CECR2: variants seen among roughly 807,000 people sequenced by gnomAD.
The protein encoded by CECR2 is chromatin remodeling regulator CECR2.
A neutral mutation model predicts 154.5 loss-of-function variants in CECR2; 30 were observed. That is an observed-to-expected ratio of 0.19 (90% CI 0.15 to 0.26). The LOEUF (loss-of-function observed/expected upper bound fraction) is 0.26. Ranked by LOEUF, CECR2 falls within the 10% of genes least tolerant of loss-of-function variation. CECR2 has a pLI of 1.00. For synonymous variants in CECR2, 725 were observed against 683.7 expected (o/e 1.06, Z -0.94); for missense variants, 1,743 against 1,829.3 (o/e 0.95, Z 0.86).
chr22:17,531,909 C>CT (rs549876820), intron 9 of CECR2, among the ~76,000 whole-genome samples: 5 of 152,206 alleles, frequency 3.3e-5, no homozygotes, highest in Non-Finnish European at 5.9e-5. Flanking sequence ...TGGCTCATGC[C>CT]TGTAATCCCA....
At chr22:17,376,427 A>G (rs1330643787) in intron 1 of CECR2, among the ~76,000 whole-genome samples, 1 of 152,216 alleles carries the variant, frequency 6.6e-6, no homozygotes, top group Non-Finnish European at 1.5e-5. Context: ...AGCATTCAGT[A>G]CTACCGATCA....
intron 1 of CECR2, among the ~76,000 whole-genome samples, chr22:17,450,549 G>A (rs1256124551): frequency 3.3e-5 from 5 of 152,192 alleles, no homozygotes; most frequent in Non-Finnish European, 5.9e-5. Flanking sequence ...GATTACAGGC[G>A]TGAGCCCACC....
At chr22:17,504,658 G>A (rs996000571) in intron 6 of CECR2, among the ~76,000 whole-genome samples, 189 bp from the exon 7 acceptor site, 1 of 149,148 alleles carries the variant, frequency 6.7e-6, no homozygotes, top group African/African-American at 2.5e-5. Flanking sequence ...AGCCAGGATG[G>A]TCTCGATCTC....
intron 1 of CECR2, among the ~76,000 whole-genome samples, chr22:17,390,192 C>CTTGA (rs2063311567): frequency 6.6e-6 from 1 of 151,950 alleles, no homozygotes; most frequent in African/African-American, 2.4e-5. Flanking sequence ...GTTTGTCTTT[C>CTTGA]TTGAGCTTGA....
chr22:17,446,232 C>T (rs898922576), intron 1 of CECR2, among the ~76,000 whole-genome samples: 3 of 152,124 alleles, frequency 2.0e-5, no homozygotes, highest in African/African-American at 2.4e-5. Context: ...AATCCCAAGT[C>T]AGGTGTTGCG....
At chr22:17,430,321 G>GT (rs1424351559) in intron 1 of CECR2, among the ~76,000 whole-genome samples, 2 of 152,152 alleles carry the variant, frequency 1.3e-5, no homozygotes, top group East Asian at 3.8e-4. Context: ...TTGCAAATGT[G>GT]TATCTATAGA....
intron 9 of CECR2, among the ~76,000 whole-genome samples, chr22:17,526,435 A>T (rs1322519109): frequency 1.3e-5 from 2 of 152,236 alleles, no homozygotes; most frequent in African/African-American, 2.4e-5. Context: ...GTGCTGGGGA[A>T]ACTGGATATC....
chr22:17,426,352 T>C (rs1490616315), intron 1 of CECR2, among the ~76,000 whole-genome samples: 3 of 152,162 alleles, frequency 2.0e-5, no homozygotes, highest in Non-Finnish European at 1.5e-5. Flanking sequence ...GGTTCTATTC[T>C]TTTAATTTTT....
At chr22:17,510,005 G>A (rs1295084295) in intron 7 of CECR2, among the ~76,000 whole-genome samples, 2 of 152,064 alleles carry the variant, frequency 1.3e-5, no homozygotes, top group African/African-American at 4.8e-5. Context: ...TAAATAAAAG[G>A]CGATGTAGAT....
intron 1 of CECR2, among the ~76,000 whole-genome samples, chr22:17,397,485 C>A (rs1364634883): frequency 1.3e-5 from 2 of 152,026 alleles, no homozygotes; most frequent in African/African-American, 4.8e-5. Flanking sequence ...CCAAACCCTA[C>A]GTATAAACAC....
rs543220867 is a variant in CECR2, at chr22:17,378,178, T to C, written c.126+8269T>C. On this transcript the variant is annotated intron_variant, in intron 1 of 18. Transcript: ENST00000262608. Reference sequence around the variant, plus strand: ...TTTTGTGTTTTTAGTAGAGACGGGGTTTCACCGTGTTAGCCAGGATGGTCT... The same window carrying C: ...TTTTGTGTTTTTAGTAGAGACGGGGCTTCACCGTGTTAGCCAGGATGGTCT... Among the ~76,000 whole-genome samples, 98 of 150,554 alleles carry C rather than the reference T, an allele frequency of 6.5e-4. 4 individuals carry two copies. In the South Asian group the frequency reaches 0.02, roughly 31 times the overall value.
chr22:17,492,574 T>C (rs1327859882), intron 2 of CECR2, among the ~76,000 whole-genome samples: 2 of 152,182 alleles, frequency 1.3e-5, no homozygotes, highest in African/African-American at 4.8e-5. Flanking sequence ...TCTTTCTTGC[T>C]CTTTCACTCA....
intron 1 of CECR2, among the ~76,000 whole-genome samples, chr22:17,466,579 T>C (rs1435361356): frequency 1.3e-5 from 2 of 151,818 alleles, no homozygotes; most frequent in Non-Finnish European, 1.5e-5. Context: ...GTAACCACTA[T>C]TGTTACTTAA....
chr22:17,525,776 G>C (rs186310735), intron 9 of CECR2, among the ~76,000 whole-genome samples: 1 of 152,192 alleles, frequency 6.6e-6, no homozygotes, highest in East Asian at 1.9e-4. Flanking sequence ...TAGTGGAATT[G>C]TGTTTTTTTA....
At chr22:17,481,002 T>C (rs1352188799) in intron 2 of CECR2, among the ~76,000 whole-genome samples, 4 of 142,122 alleles carry the variant, frequency 2.8e-5, no homozygotes, top group Admixed American at 7.4e-5. Flanking sequence ...ATCGCACCAT[T>C]GCACTCCAGC....
chr22:17,381,418 AG>A (rs1406305369), intron 1 of CECR2, among the ~76,000 whole-genome samples: 1 of 152,082 alleles, frequency 6.6e-6, no homozygotes, highest in African/African-American at 2.4e-5. Flanking sequence ...CATCTTGCAT[AG>A]GCCAGTTTTA....
intron 1 of CECR2, among the ~76,000 whole-genome samples, chr22:17,462,831 G>C (rs1168380811): frequency 6.6e-6 from 1 of 152,128 alleles, no homozygotes; most frequent in Non-Finnish European, 1.5e-5. Flanking sequence ...AGAATTGCTT[G>C]AACCTGGGAG....
At chr22:17,465,057 CG>C (rs1216701480) in intron 1 of CECR2, among the ~76,000 whole-genome samples, 1 of 145,804 alleles carries the variant, frequency 6.9e-6, no homozygotes, top group Non-Finnish European at 1.5e-5. Flanking sequence ...AGTGCAGTGG[CG>C]CGATCTCAGC....
chr22:17,544,446 C>T (rs557820058), intron 16 of CECR2, among the ~76,000 whole-genome samples: 2 of 139,536 alleles, frequency 1.4e-5, no homozygotes, highest in Admixed American at 1.6e-4. Context: ...TGCAGTGAGC[C>T]GAGATTGTGC....
Sources: gnomAD v4.1 joint callset for allele counts (sites outside exome capture counted in the v4.1 genomes callset) on GRCh38, gnomAD v4.1.1 for gene constraint, MANE v1.5 for transcripts, NCBI Gene and HGNC (gene_info 2026-07-23, HGNC 2026-07-21) for gene names.